The following PPP3CA variants were observed in gnomAD, a reference collection of about 807,000 sequenced individuals.
PPP3CA encodes protein phosphatase 3 catalytic subunit alpha, also known as CAM-PRP catalytic subunit.
In PPP3CA, 14 loss-of-function variants were observed where a neutral mutation model predicts 66.5. The observed-to-expected ratio is 0.21, with a 90% CI of 0.14 to 0.33. The LOEUF (loss-of-function observed/expected upper bound fraction) is 0.33, where lower values mean the gene tolerates loss of function less well. PPP3CA is among the 10% of genes least tolerant of loss of function. PPP3CA has a pLI of 1.00. For synonymous variants in PPP3CA, 232 were observed against 226.2 expected, an observed-to-expected ratio of 1.03 and a Z score of -0.23; for missense variants, 317 against 639.5, an observed-to-expected ratio of 0.50 and a Z score of 5.44.
chr4:101,133,901 T>C (rs1260410134), intron 2 of PPP3CA, among the ~76,000 whole-genome samples: 2 of 152,084 alleles, frequency 1.3e-5, no homozygotes, highest in East Asian at 1.9e-4. Context: ...AACAGATATA[T>C]AGACCAATGG....
chr4:101,258,996 G>C (rs931790596), intron 1 of PPP3CA, among the ~76,000 whole-genome samples: 1 of 152,150 alleles, frequency 6.6e-6, no homozygotes. Context: ...CTGGAGAGCA[G>C]ATGACACCTC....
intron 2 of PPP3CA, among the ~76,000 whole-genome samples, chr4:101,144,981 T>C (rs1331876213): frequency 6.6e-6 from 1 of 152,168 alleles, no homozygotes; most frequent in African/African-American, 2.4e-5. Context: ...ATACAAAAAT[T>C]AGAAATACTT....
At chr4:101,104,664 AACAACAGCATTT>A (rs1730582509) in intron 3 of PPP3CA, among the ~76,000 whole-genome samples, 1 of 152,164 alleles carries the variant, frequency 6.6e-6, no homozygotes, top group African/African-American at 2.4e-5. Flanking sequence ...AAACTATTGA[AACAACAGCATTT>A]ACAACATGCT....
At chr4:101,159,286 C>A (rs1277011578) in intron 2 of PPP3CA, among the ~76,000 whole-genome samples, 7 of 152,176 alleles carry the variant, frequency 4.6e-5, no homozygotes, top group African/African-American at 1.7e-4. Flanking sequence ...GCTATTCCTG[C>A]AGGCCACGCT....
intron 1 of PPP3CA, among the ~76,000 whole-genome samples, chr4:101,202,381 T>A: frequency 6.6e-6 from 1 of 151,732 alleles, no homozygotes; most frequent in East Asian, 1.9e-4. Context: ...TACTAAGGAG[T>A]TTTCACTGAA....
In PPP3CA at chr4:101,023,470, C is replaced by G. The variant is rs1328934489; in HGVS notation, c.*2395G>C. ...AATGTTTATTTCTATGCCATAGTTG[C>G]CTCAGCACAATTTGTAAAAGAAAGG... On this transcript the variant is annotated 3_prime_UTR_variant, in exon 14 of 14. Coordinates refer to ENST00000394854, the MANE Select transcript of PPP3CA (RefSeq NM_000944.5). 2 of 152,106 alleles carry G rather than the reference C, an allele frequency of 1.3e-5. No homozygotes were observed. Among genetic ancestry groups the G allele is most frequent in the African/African-American group, 2.4e-5 (1 of 41,408 alleles). The allele number at this position is 152,106 out of a possible 1,614,324, so 9.4% of individuals were successfully genotyped here. A position where few individuals can be genotyped will look rare whatever the true frequency, so the allele number is the denominator to read the frequency against.
At chr4:101,278,793 T>C (rs2850346) in intron 1 of PPP3CA, among the ~76,000 whole-genome samples, 139,866 of 152,226 alleles carry the variant, frequency 0.92, 64,468 homozygotes, top group African/African-American at 0.98. Context: ...ATTCACTTTA[T>C]ATTTTCCCTA....
chr4:101,149,480 A>AGAT (rs1723066747), intron 2 of PPP3CA, among the ~76,000 whole-genome samples: 1 of 152,192 alleles, frequency 6.6e-6, no homozygotes, highest in Non-Finnish European at 1.5e-5. Context: ...TCAAACATTA[A>AGAT]TCTAAGTTAA....
intron 1 of PPP3CA, among the ~76,000 whole-genome samples, chr4:101,300,149 G>A (rs1426374984): frequency 1.3e-5 from 2 of 152,252 alleles, no homozygotes; most frequent in South Asian, 2.1e-4. Flanking sequence ...CACAAATAGG[G>A]TCATACCACA....
chr4:101,224,368 T>A (rs1360497896), intron 1 of PPP3CA, among the ~76,000 whole-genome samples: 4 of 151,832 alleles, frequency 2.6e-5, no homozygotes, highest in African/African-American at 9.7e-5. Flanking sequence ...TCCTTTCCAA[T>A]CCAGGAAAAT....
intron 2 of PPP3CA, 137 bp from the exon 3 acceptor site, chr4:101,109,215 C>T (rs566131550): frequency 7.5e-5 from 66 of 881,560 alleles, no homozygotes; most frequent in Middle Eastern, 3.7e-4. Flanking sequence ...ACAAGAAGTA[C>T]GACAGAAAAG....
chr4:101,091,991 T>C (rs1419591782), intron 6 of PPP3CA, among the ~76,000 whole-genome samples: 1 of 151,988 alleles, frequency 6.6e-6, no homozygotes, highest in Non-Finnish European at 1.5e-5. Context: ...ATAAGCTGTA[T>C]GTATAATGAT....
intron 12 of PPP3CA, among the ~76,000 whole-genome samples, chr4:101,030,997 G>C (rs1258616345): frequency 6.6e-6 from 1 of 151,274 alleles, no homozygotes; most frequent in Non-Finnish European, 1.5e-5. Flanking sequence ...ATTCCTAGCT[G>C]TAAATTTAAA....
intron 6 of PPP3CA, among the ~76,000 whole-genome samples, chr4:101,089,509 CAG>C (rs1660175656): frequency 6.6e-6 from 1 of 152,198 alleles, no homozygotes; most frequent in African/African-American, 2.4e-5. Context: ...CCTAAAATTT[CAG>C]AGTTTAAAAG....
At chr4:101,202,809 A>G (rs545308792) in intron 1 of PPP3CA, among the ~76,000 whole-genome samples, 6 of 152,330 alleles carry the variant, frequency 3.9e-5, no homozygotes, top group Middle Eastern at 3.4e-3. Context: ...AACACAACTT[A>G]GTAATTTACT....
At chr4:101,118,607 G>A (rs1354610618) in intron 2 of PPP3CA, among the ~76,000 whole-genome samples, 3 of 151,794 alleles carry the variant, frequency 2.0e-5, no homozygotes, top group South Asian at 4.1e-4. Context: ...TAGTCAATAA[G>A]TGATGCCTTC....
intron 1 of PPP3CA, among the ~76,000 whole-genome samples, chr4:101,295,909 G>C (rs1728186182): frequency 6.6e-6 from 1 of 152,194 alleles, no homozygotes; most frequent in Non-Finnish European, 1.5e-5. Context: ...CAATGGATCA[G>C]ACCCAACAAG....
chr4:101,200,437 A>T (rs1724931637), intron 1 of PPP3CA, among the ~76,000 whole-genome samples: 1 of 152,130 alleles, frequency 6.6e-6, no homozygotes, highest in Non-Finnish European at 1.5e-5. Flanking sequence ...TGGACTTCAC[A>T]TTCATGTAAC....
chr4:101,320,869 G>T (rs575618516), intron 1 of PPP3CA, among the ~76,000 whole-genome samples: 13 of 152,020 alleles, frequency 8.6e-5, no homozygotes, highest in Non-Finnish European at 1.5e-4. Context: ...TTTGTGAAAA[G>T]ATCTCAGGTA....
Sources: allele counts gnomAD v4.1 joint callset (sites outside exome capture counted in the v4.1 genomes callset), GRCh38; gene constraint gnomAD v4.1.1; transcripts MANE v1.5; gene names NCBI Gene and HGNC (gene_info 2026-07-23, HGNC 2026-07-21).